The following RAB31 variants were observed in gnomAD, a reference collection of about 807,000 sequenced individuals.
RAB31 encodes RAB31, member RAS oncogene family.
RAB31 carries 21 observed loss-of-function variants against 25.6 expected under a neutral mutation model. The observed-to-expected ratio is 0.82, with a 90% CI of 0.58 to 1.18. The LOEUF (loss-of-function observed/expected upper bound fraction) is 1.18. RAB31 is among the 50% of genes most tolerant of loss of function. The pLI, the probability that RAB31 is intolerant of heterozygous loss-of-function variation, is 0.00. For missense variants in RAB31, 196 were observed against 250.1 expected (o/e 0.78, Z 1.46); for synonymous variants, 87 against 84.0 (o/e 1.04, Z -0.20).
intron 1 of RAB31, chr18:9,774,851 G>C (rs2068363822): frequency 1.9e-6 from 1 of 518,884 alleles, no homozygotes; most frequent in South Asian, 1.4e-5. Context: ...GGTCTTAAAG[G>C]GTGATGCCTA....
chr18:9,734,621 G>A (rs2068141185), intron 1 of RAB31, among the ~76,000 whole-genome samples: 1 of 152,086 alleles, frequency 6.6e-6, no homozygotes, highest in Non-Finnish European at 1.5e-5. Flanking sequence ...AAAGGATCCC[G>A]GATACGATGA....
At chr18:9,715,976 T>G (rs2068042377) in intron 1 of RAB31, among the ~76,000 whole-genome samples, 1 of 152,254 alleles carries the variant, frequency 6.6e-6, no homozygotes, top group African/African-American at 2.4e-5. Context: ...CACAATACTA[T>G]GCTCCCATCC....
At chr18:9,859,165 A>C in intron 6 of RAB31, 63 bp from the exon 7 acceptor site, 1 of 1,389,526 alleles carries the variant, frequency 7.2e-7, no homozygotes, top group Non-Finnish European at 1.0e-6. Context: ...CAGGGTGAAA[A>C]TCTGTGTGTG....
chr18:9,744,914 G>A (rs902308045), intron 1 of RAB31, among the ~76,000 whole-genome samples: 15 of 151,996 alleles, frequency 9.9e-5, no homozygotes, highest in African/African-American at 3.4e-4. Flanking sequence ...GGAACTAGAA[G>A]AAGAAGAGCA....
chr18:9,713,803 T>C (rs1437734602), intron 1 of RAB31, among the ~76,000 whole-genome samples: 1 of 152,222 alleles, frequency 6.6e-6, no homozygotes, highest in Non-Finnish European at 1.5e-5. Context: ...CTGGCAGATC[T>C]AGTGCCTGGT....
At chr18:9,732,308 G>A (rs974952248) in intron 1 of RAB31, among the ~76,000 whole-genome samples, 3 of 151,476 alleles carry the variant, frequency 2.0e-5, no homozygotes, top group African/African-American at 7.3e-5. Flanking sequence ...TTTCATCAGA[G>A]CCCTAGGTCT....
chr18:9,716,265 A>G (rs1049451054), intron 1 of RAB31, among the ~76,000 whole-genome samples: 2 of 151,992 alleles, frequency 1.3e-5, no homozygotes, highest in Non-Finnish European at 2.9e-5. Context: ...TTTCAGGTTC[A>G]TTGTTTGGGT....
chr18:9,812,074 G>A (rs1017705861), intron 3 of RAB31, among the ~76,000 whole-genome samples: 3 of 152,172 alleles, frequency 2.0e-5, no homozygotes, highest in African/African-American at 7.2e-5. Context: ...ATCTCACATA[G>A]GGGCAGGGCA....
chr18:9,725,947 T>A (rs2068094397), intron 1 of RAB31: 1 of 152,220 alleles, frequency 6.6e-6, no homozygotes, highest in African/African-American at 2.4e-5. Context: ...ACTTTACAGT[T>A]TACAGTGAAC....
At chr18:9,829,514 G>C (rs529061542) in intron 5 of RAB31, among the ~76,000 whole-genome samples, 2 of 152,356 alleles carry the variant, frequency 1.3e-5, no homozygotes, top group South Asian at 4.1e-4. Flanking sequence ...ATTGCTGCTT[G>C]AACGTTCTTG....
chr18:9,829,618 A>G (rs2068667304), intron 5 of RAB31, among the ~76,000 whole-genome samples: 1 of 152,230 alleles, frequency 6.6e-6, no homozygotes, highest in South Asian at 2.1e-4. Flanking sequence ...AGGTAATGCC[A>G]ACGTCTTTCA....
chr18:9,753,499 G>A (rs2068245612), intron 1 of RAB31, among the ~76,000 whole-genome samples: 1 of 152,184 alleles, frequency 6.6e-6, no homozygotes, highest in South Asian at 2.1e-4. Context: ...TGGACTCTCA[G>A]TCTCTGTAGC....
chr18:9,783,338 C>T (rs956548256), intron 2 of RAB31, among the ~76,000 whole-genome samples: 5 of 152,166 alleles, frequency 3.3e-5, no homozygotes, highest in African/African-American at 4.8e-5. Flanking sequence ...ACTCTTCTTT[C>T]ACCAGGAACC....
In RAB31 at chr18:9,708,999, C is replaced by T. The variant is rs1196648615; in HGVS notation, c.39+555C>T. ...AGAAAAATAAAACCAAAAGCGAACC[C>T]AGCCAAGGGGGTGAAAGCCGAGGGC... On this transcript the variant is annotated intron_variant, in intron 1 of 6. Coordinates refer to ENST00000578921, the MANE Select transcript of RAB31 (RefSeq NM_006868.4). This position sits in a 1 kb window ranked among gnomAD's most constrained non-coding sequence, Gnocchi z 6.4. Among the ~76,000 whole-genome samples the T allele has an allele frequency of 2.6e-5, 4 of 152,178 alleles. No individual in the cohort carries two copies. Among genetic ancestry groups the T allele is most frequent in the African/African-American group, 9.7e-5 (4 of 41,438 alleles).
chr18:9,748,901 A>T (rs2068219943), intron 1 of RAB31, among the ~76,000 whole-genome samples: 2 of 150,990 alleles, frequency 1.3e-5, no homozygotes, highest in African/African-American at 4.8e-5. Flanking sequence ...AAAAAAAAAT[A>T]ATAATAAAAA....
chr18:9,722,244 T>A (rs998504234), intron 1 of RAB31, among the ~76,000 whole-genome samples: 3 of 152,092 alleles, frequency 2.0e-5, no homozygotes, highest in African/African-American at 7.2e-5. Context: ...GACTTAGCTT[T>A]TATGAGATTG....
intron 1 of RAB31, among the ~76,000 whole-genome samples, chr18:9,724,291 A>C (rs1292753120): frequency 2.2e-5 from 3 of 134,510 alleles, no homozygotes; most frequent in Non-Finnish European, 4.7e-5. Flanking sequence ...AAAAAAACAA[A>C]AAAAAAACAT....
intron 2 of RAB31, among the ~76,000 whole-genome samples, chr18:9,791,652 G>C (rs2068460749): frequency 6.6e-6 from 1 of 151,890 alleles, no homozygotes; most frequent in African/African-American, 2.4e-5. Flanking sequence ...GGAGTACCAT[G>C]GTGCCATCTT....
At chr18:9,769,772 G>T (rs1366826023) in intron 1 of RAB31, among the ~76,000 whole-genome samples, 2 of 152,196 alleles carry the variant, frequency 1.3e-5, no homozygotes, top group East Asian at 3.8e-4. Context: ...GGTTTTCAAA[G>T]GGAATGCTTC....
Sources: gnomAD v4.1 joint callset for allele counts (sites outside exome capture counted in the v4.1 genomes callset) on GRCh38, gnomAD v4.1.1 for gene constraint, Gnocchi (gnomAD v3.1) non-coding constraint, MANE v1.5 for transcripts, NCBI Gene and HGNC (gene_info 2026-07-23, HGNC 2026-07-21) for gene names.